The following CYB5R4 variants were observed in gnomAD, a reference collection of about 807,000 sequenced individuals.
CYB5R4 encodes N-terminal cytochrome b5 and cytochrome b5 oxidoreductase domain-containing protein.
CYB5R4 carries 55 observed loss-of-function variants against 70.2 expected under a neutral mutation model. The ratio of observed to expected loss-of-function variants is 0.78; its 90% CI spans 0.63 to 0.98. CYB5R4 has a LOEUF of 0.98. Among genes scored for constraint, CYB5R4 ranks in the 50% least tolerant of loss-of-function variants. The pLI, the probability that CYB5R4 is intolerant of heterozygous loss-of-function variation, is 0.00. For missense variants in CYB5R4, 562 were observed against 612.6 expected, an observed-to-expected ratio of 0.92 and a Z score of 0.87; for synonymous variants, 197 against 199.5, an observed-to-expected ratio of 0.99 and a Z score of 0.11.
intron 2 of CYB5R4, among the ~76,000 whole-genome samples, chr6:83,890,151 G>A (rs957053109): frequency 7.9e-5 from 12 of 152,224 alleles, no homozygotes; most frequent in African/African-American, 2.9e-4. Context: ...TATGACTGCT[G>A]TAGATAGTGA....
At chr6:83,939,987 C>T in intron 12 of CYB5R4, 69 bp from the exon 13 acceptor site, 1 of 1,195,424 alleles carries the variant, frequency 8.4e-7, no homozygotes. Flanking sequence ...TTCTTAGTTT[C>T]CCCGCTGGGT....
intron 14 of CYB5R4, among the ~76,000 whole-genome samples, chr6:83,950,332 G>A (rs566633634): frequency 1.3e-4 from 20 of 152,174 alleles, no homozygotes; most frequent in Admixed American, 1.0e-3. Context: ...AAAACATAAG[G>A]CAAATATGTG....
intron 8 of CYB5R4, among the ~76,000 whole-genome samples, chr6:83,921,628 C>T (rs547917075): frequency 4.6e-5 from 7 of 152,250 alleles, no homozygotes; most frequent in Non-Finnish European, 1.0e-4. Context: ...TCAGTCCCTT[C>T]GTGGCTAAAG....
chr6:83,872,866 T>C (rs1017980704), intron 2 of CYB5R4, among the ~76,000 whole-genome samples: 1 of 152,152 alleles, frequency 6.6e-6, no homozygotes, highest in Non-Finnish European at 1.5e-5. Flanking sequence ...CTGAAGCATA[T>C]ATGACAGGGA....
At chr6:83,867,614 T>C (rs2099456939) in intron 2 of CYB5R4, among the ~76,000 whole-genome samples, 1 of 152,164 alleles carries the variant, frequency 6.6e-6, no homozygotes, top group African/African-American at 2.4e-5. Context: ...CATGGAATAA[T>C]AGGATGAATG....
intron 3 of CYB5R4, among the ~76,000 whole-genome samples, chr6:83,894,045 G>C (rs1298075441): frequency 6.6e-6 from 1 of 152,264 alleles, no homozygotes. Context: ...TATATATTCA[G>C]CCTACTGCTA....
chr6:83,933,884 C>T (rs908594996), intron 10 of CYB5R4, among the ~76,000 whole-genome samples: 5 of 152,088 alleles, frequency 3.3e-5, no homozygotes, highest in Admixed American at 2.0e-4. Flanking sequence ...TTTCAGATAC[C>T]AAAACCTACA....
At chr6:83,890,707 A>T (rs1365500717) in intron 2 of CYB5R4, among the ~76,000 whole-genome samples, 2 of 152,136 alleles carry the variant, frequency 1.3e-5, no homozygotes, top group Non-Finnish European at 2.9e-5. Flanking sequence ...GGCAAACTTT[A>T]CTGTCAACTT....
At chr6:83,918,103 AT>A in intron 6 of CYB5R4, 38 bp downstream of exon 6, 1 of 1,470,368 alleles carries the variant, frequency 6.8e-7, no homozygotes, top group Non-Finnish European at 9.5e-7. Flanking sequence ...AGTTAAATCA[AT>A]TATGTACAAA....
At chr6:83,940,005 T>A in intron 12 of CYB5R4, 51 bp from the exon 13 acceptor site, 1 of 1,397,546 alleles carries the variant, frequency 7.2e-7, no homozygotes, top group Non-Finnish European at 9.7e-7. Flanking sequence ...GGTTTTTTGT[T>A]TTGTTTTTTG....
At chr6:83,867,947 A>C (rs1313936216) in intron 2 of CYB5R4, among the ~76,000 whole-genome samples, 2 of 152,140 alleles carry the variant, frequency 1.3e-5, no homozygotes, top group African/African-American at 4.8e-5. Context: ...TTTTCCAGCT[A>C]CCCTCCACTT....
Position 83,859,768 on chromosome 6 carries a change from G to A in CYB5R4, c.-15G>A. On this transcript the variant is annotated 5_prime_UTR_variant, in exon 1 of 16. Transcript: ENST00000369681. ...GCGGCGATCCCCGGGCAGGGCCCGGGGCCGGGGTTTGAAGATGCTGAACGT... is the reference window on the plus strand; with the variant it reads ...GCGGCGATCCCCGGGCAGGGCCCGGAGCCGGGGTTTGAAGATGCTGAACGT... The A allele has an allele frequency of 6.2e-7, 1 of 1,612,206 alleles. No individual in the cohort carries two copies. The highest frequency in any genetic ancestry group is 8.5e-7 in the Non-Finnish European group (1 of 1,179,362).
rs1322108214 is a variant in CYB5R4, at chr6:83,966,598, G to A, written c.*6720G>A. The A allele has an allele frequency of 6.6e-6, 1 of 152,202 alleles. No homozygotes were observed. The highest frequency in any genetic ancestry group is 1.9e-4 in the East Asian group (1 of 5,188). The allele number at this position is 152,202 out of a possible 1,614,324, so 9.4% of individuals were successfully genotyped here. On this transcript the variant is annotated 3_prime_UTR_variant, in exon 16 of 16. Transcript: ENST00000369681. ...CCCTGCTACTTGGGAGGCTGAGGCA[G>A]GATAATTGCCTGAACCCGGGAGGCG...
In CYB5R4 at chr6:83,966,005, T is replaced by C. The variant is rs976921348; in HGVS notation, c.*6127T>C. 4 of 152,232 alleles carry C rather than the reference T, an allele frequency of 2.6e-5. No individual in the cohort carries two copies. The highest frequency in any genetic ancestry group is 5.9e-5 in the Non-Finnish European group (4 of 68,064). The allele number at this position is 152,232 out of a possible 1,614,324, so 9.4% of individuals were successfully genotyped here. On this transcript the variant is annotated 3_prime_UTR_variant, in exon 16 of 16. Transcript: ENST00000369681. ...GAACTATAAGTCCAATTAAACCTCT[T>C]TTTCTTGGCTTAATTTCTTGGGTAT... is the stretch of plus-strand genomic sequence containing the variant.
rs916393605 is a variant in CYB5R4, at chr6:83,871,070, G to T, written c.229+6742G>T. 3.5e-5 allele frequency among the ~76,000 whole-genome samples: 5 copies of T among 144,058 alleles called. No homozygotes were observed. The East Asian group carries it at 1.1e-3, about 31-fold the overall frequency. 94.5% of individuals were successfully genotyped at this position (144,058 alleles called of 152,430 possible). ...CGGCTCACTGCAACCTCCGTCTCCC[G>T]GGTTCAAGCGAGTCTCCTGCCCCAG... is the stretch of plus-strand genomic sequence containing the variant. On this transcript the variant is annotated intron_variant, in intron 2 of 15. Coordinates refer to ENST00000369681, the MANE Select transcript of CYB5R4 (RefSeq NM_016230.4).
At chr6:83,906,999 C>T (rs553954530) in intron 3 of CYB5R4, among the ~76,000 whole-genome samples, 28 of 152,100 alleles carry the variant, frequency 1.8e-4, no homozygotes, top group Non-Finnish European at 3.7e-4. Context: ...TGATGAGTAT[C>T]CTGGTACCTA....
rs1371829149 is a variant in CYB5R4 at position 83,964,235 on chromosome 6, G to A, written c.*4357G>A. 1 of 153,412 alleles carries A rather than the reference G, an allele frequency of 6.5e-6. No homozygotes were observed. Among genetic ancestry groups the A allele is most frequent in the Non-Finnish European group, 1.4e-5 (1 of 68,984 alleles). The allele number at this position is 153,412 out of a possible 1,614,324, so 9.5% of individuals were successfully genotyped here. A position where few individuals can be genotyped will look rare whatever the true frequency, so the allele number is the denominator to read the frequency against. On this transcript the variant is annotated 3_prime_UTR_variant, in exon 16 of 16. Transcript: ENST00000369681. ...GAACAGTTTGGAGGGCTCAGAAGAAGACAGGAAAATGGGAAAGTTTGGAAC... is the reference window on the plus strand; with the variant it reads ...GAACAGTTTGGAGGGCTCAGAAGAAAACAGGAAAATGGGAAAGTTTGGAAC...
At chr6:83,886,898 G>A (rs1258215400) in intron 2 of CYB5R4, among the ~76,000 whole-genome samples, 1 of 152,194 alleles carries the variant, frequency 6.6e-6, no homozygotes, top group Non-Finnish European at 1.5e-5. Flanking sequence ...AACGCTGTTA[G>A]TGAGGTTAGA....
intron 2 of CYB5R4, among the ~76,000 whole-genome samples, chr6:83,876,032 T>C (rs2324477): frequency 1.3e-5 from 2 of 152,064 alleles, no homozygotes; most frequent in Non-Finnish European, 2.9e-5. Flanking sequence ...TATTCTAATG[T>C]TATCACAAGA....
Sources: gnomAD v4.1 joint callset for allele counts (sites outside exome capture counted in the v4.1 genomes callset) on GRCh38, gnomAD v4.1.1 for gene constraint, MANE v1.5 for transcripts, NCBI Gene and HGNC (gene_info 2026-07-23, HGNC 2026-07-21) for gene names.